MTMR3: variants seen among roughly 807,000 people sequenced by gnomAD.
MTMR3 encodes myotubularin related protein 3.
In MTMR3, 32 loss-of-function variants were observed where a neutral mutation model predicts 132.4. The ratio of observed to expected loss-of-function variants is 0.24; its 90% CI spans 0.18 to 0.32. The LOEUF (loss-of-function observed/expected upper bound fraction) is 0.32. MTMR3 is among the 10% of genes least tolerant of loss of function. The pLI is 1.00. For synonymous variants in MTMR3, 556 were observed against 550.3 expected (o/e 1.01, Z -0.14); for missense variants, 1,216 against 1,489.6 (o/e 0.82, Z 3.02).
intron 1 of MTMR3, among the ~76,000 whole-genome samples, chr22:29,947,838 T>G (rs932629313): frequency 2.0e-5 from 3 of 152,134 alleles, no homozygotes; most frequent in African/African-American, 7.2e-5. Context: ...TTTAAAAAGG[T>G]GGGTCTTTTC....
chr22:29,917,484 A>AAAAC (rs961838325), intron 1 of MTMR3, among the ~76,000 whole-genome samples: 1 of 152,212 alleles, frequency 6.6e-6, no homozygotes, highest in South Asian at 2.1e-4. Context: ...GCGTCTCTTA[A>AAAAC]AAACAAACAA....
chr22:29,885,893 A>G (rs2064667166), intron 1 of MTMR3, among the ~76,000 whole-genome samples: 1 of 152,210 alleles, frequency 6.6e-6, no homozygotes, highest in African/African-American at 2.4e-5. Context: ...GAAGGTTCTT[A>G]CAAGTTTGGA....
In MTMR3 at chr22:30,022,615, C is replaced by G; in HGVS notation, c.3343C>G (p.Arg1115Gly). 6.2e-7 allele frequency: 1 copy of G among 1,613,034 alleles called. No homozygotes were observed. Among genetic ancestry groups the G allele is most frequent in the East Asian group, 2.2e-5 (1 of 44,878 alleles). ...GGTCCCATCTGTTTTGCAGATGACC[C>G]GTTGGCTTCCTGACCACCTGGCCGC... The part of the protein sequence containing the change: ...QVDKQDTEMT[R>G]WLPDHLAAHC... The change falls in exon 19 of 20, where the codon CGT becomes GGT. Residue 1115 changes from arginine to glycine, a missense_variant. Around this residue, in one of 7 missense-constraint regions of MTMR3, gnomAD observed 852 missense variants for 852.0 expected, o/e 1.00. Transcript: ENST00000401950.
intron 1 of MTMR3, among the ~76,000 whole-genome samples, chr22:29,917,001 C>T (rs1021078732): frequency 6.6e-6 from 1 of 152,144 alleles, no homozygotes; most frequent in Non-Finnish European, 1.5e-5. Flanking sequence ...TTATTCTGTT[C>T]TTGTTCTACA....
chr22:29,986,094 T>C (rs1168442265), intron 5 of MTMR3: 1 of 152,256 alleles, frequency 6.6e-6, no homozygotes, highest in Non-Finnish European at 1.5e-5. Context: ...GAGCAGCCTC[T>C]TCTTGTGGAT....
chr22:30,007,778 T>A (rs1419497819), intron 10 of MTMR3, 123 bp from the exon 11 acceptor site: 6 of 1,155,608 alleles, frequency 5.2e-6, no homozygotes, highest in Non-Finnish European at 7.3e-6. Context: ...TCAAGGGTTT[T>A]GGTTAGGGGA....
intron 1 of MTMR3, among the ~76,000 whole-genome samples, chr22:29,920,739 A>AGAT (rs2065394462): frequency 6.6e-6 from 1 of 152,170 alleles, no homozygotes; most frequent in African/African-American, 2.4e-5. Context: ...CAGTGTATAA[A>AGAT]TTGCATGTGG....
intron 1 of MTMR3, among the ~76,000 whole-genome samples, chr22:29,953,285 G>T (rs1469657678): frequency 1.3e-5 from 2 of 152,176 alleles, no homozygotes; most frequent in Non-Finnish European, 2.9e-5. Context: ...AGGAGGCCTG[G>T]CCAGAGCCTC....
rs564777544 is a variant in MTMR3, at chr22:29,968,563, T to G, written c.-84-2413T>G. 2.3e-3 allele frequency among the ~76,000 whole-genome samples: 345 copies of G among 152,290 alleles called. 6 individuals carry two copies. Among genetic ancestry groups the G allele is most frequent in the African/African-American group, 8.0e-3 (332 of 41,550 alleles). The stretch of plus-strand genomic sequence containing the variant: ...TCCAATAAGTGCCTTTTTGCACATC[T>G]TTACCTTCCTATCTAAAGTAGCATT... On this transcript the variant is annotated intron_variant, in intron 2 of 19. Transcript: ENST00000401950.
At chr22:29,942,965 T>C (rs7289604) in intron 1 of MTMR3, among the ~76,000 whole-genome samples, 53,572 of 152,044 alleles carry the variant, frequency 0.35, 10,431 homozygotes, top group East Asian at 0.72. Context: ...AAGACAGGCA[T>C]AGGAAATCAC....
At chr22:30,015,809 C>T (rs1414685486) in intron 14 of MTMR3, 4 of 152,222 alleles carry the variant, frequency 2.6e-5, no homozygotes, top group Non-Finnish European at 4.4e-5. Flanking sequence ...CTACCATTCT[C>T]CCTCTTCTGC....
intron 12 of MTMR3, chr22:30,010,732 C>G (rs2067397455): frequency 6.6e-6 from 1 of 152,182 alleles, no homozygotes; most frequent in East Asian, 1.9e-4. Context: ...TCTTCAGGTG[C>G]TAGGAGATAA....
chr22:29,944,150 G>A (rs896318422), intron 1 of MTMR3, among the ~76,000 whole-genome samples: 1 of 151,898 alleles, frequency 6.6e-6, no homozygotes, highest in Non-Finnish European at 1.5e-5. Context: ...AAGAGCTAGC[G>A]GGGTCTTAAA....
chr22:29,889,632 G>T (rs1439563829), intron 1 of MTMR3, among the ~76,000 whole-genome samples: 1 of 151,814 alleles, frequency 6.6e-6, no homozygotes, highest in African/African-American at 2.4e-5. Context: ...GAGATGACCT[G>T]TAATCCCATC....
chr22:29,961,892 G>A (rs934687380), intron 2 of MTMR3, among the ~76,000 whole-genome samples: 2 of 152,202 alleles, frequency 1.3e-5, no homozygotes. Flanking sequence ...CAAATAGGGA[G>A]CACTGTGTTA....
intron 1 of MTMR3, among the ~76,000 whole-genome samples, chr22:29,946,013 G>A (rs1031017500): frequency 1.1e-4 from 10 of 87,356 alleles, no homozygotes; most frequent in South Asian, 3.9e-4. Flanking sequence ...GTGTGTGTGT[G>A]TATATATTTG....
At chr22:29,946,837 T>C (rs914106404) in intron 1 of MTMR3, among the ~76,000 whole-genome samples, 2 of 152,160 alleles carry the variant, frequency 1.3e-5, no homozygotes, top group African/African-American at 4.8e-5. Context: ...ATTTTAAAAA[T>C]GCTCAGTAGC....
At chr22:29,947,837 G>C (rs148119808) in intron 1 of MTMR3, among the ~76,000 whole-genome samples, 2 of 152,112 alleles carry the variant, frequency 1.3e-5, no homozygotes, top group African/African-American at 4.8e-5. Flanking sequence ...TTTTAAAAAG[G>C]TGGGTCTTTT....
At chr22:30,006,802 C>T (rs1012151566) in intron 9 of MTMR3, 2 of 305,484 alleles carry the variant, frequency 6.5e-6, no homozygotes, top group Admixed American at 9.4e-5. Context: ...CTCAAGTGAT[C>T]CTCCTGCCTC....
Sources: allele counts gnomAD v4.1 joint callset (sites outside exome capture counted in the v4.1 genomes callset), GRCh38; gene constraint gnomAD v4.1.1; regional missense constraint gnomAD v4.1.1; transcripts MANE v1.5; gene names NCBI Gene and HGNC (gene_info 2026-07-23, HGNC 2026-07-21).